The following TCF7L2 variants were observed in gnomAD, a reference collection of about 807,000 sequenced individuals.
TCF7L2 encodes the protein transcription factor 7-like 2.
In TCF7L2, 23 loss-of-function variants were observed where a neutral mutation model predicts 77.9. The ratio of observed to expected loss-of-function variants is 0.30; its 90% CI spans 0.21 to 0.42. The LOEUF (loss-of-function observed/expected upper bound fraction) is 0.42, where lower values mean the gene tolerates loss of function less well. Ranked by LOEUF, TCF7L2 falls within the 10% of genes least tolerant of loss-of-function variation. The pLI is 1.00. For missense variants in TCF7L2, 654 were observed against 793.1 expected (o/e 0.82, Z 2.11); for synonymous variants, 413 against 340.2 (o/e 1.21, Z -2.36).
At chr10:113,118,524 T>G (rs1317741891) in intron 5 of TCF7L2, among the ~76,000 whole-genome samples, 2 of 127,620 alleles carry the variant, frequency 1.6e-5, no homozygotes, top group African/African-American at 5.2e-5. Flanking sequence ...CTGGGGGGTG[T>G]GTGTGTGTGT....
intron 4 of TCF7L2, among the ~76,000 whole-genome samples, chr10:113,005,952 G>T (rs972192226): frequency 1.3e-5 from 2 of 152,042 alleles, no homozygotes; most frequent in African/African-American, 4.8e-5. Flanking sequence ...AACCAAAACT[G>T]GTCCAGGGGA....
rs2134192877 is a variant in TCF7L2, at chr10:112,951,293, C to T, written c.256+20C>T. On this transcript the variant is annotated intron_variant, in intron 2 of 13. Transcript: ENST00000627217. ...AAGAAGGTGAGTACGCCCCGCGCGC[C>T]CCGCAGCCGCCCGGAGCCGCCCCCC... 1 of 1,269,502 alleles carries T rather than the reference C, an allele frequency of 7.9e-7. No homozygotes were observed. The highest frequency in any genetic ancestry group is 1.0e-6 in the Non-Finnish European group (1 of 986,254). 78.6% of individuals were successfully genotyped at this position (1,269,502 alleles called of 1,614,324 possible).
chr10:112,961,267 C>CG lies in TCF7L2; in HGVS notation c.382-3289_382-3288insG, dbSNP rs1373650585. ...CGACCTCAGGTGACCCCCCCCCCCCCAACCTCGGCCTTCCAAAGCGCTGGG... is the reference window on the plus strand; with the variant it reads ...CGACCTCAGGTGACCCCCCCCCCCCCGAACCTCGGCCTTCCAAAGCGCTGGG... On this transcript the variant is annotated intron_variant, in intron 3 of 13. Coordinates refer to ENST00000627217, the MANE Select transcript of TCF7L2 (RefSeq NM_001146274.2). Among the ~76,000 whole-genome samples the CG allele has an allele frequency of 2.3e-5, 3 of 132,526 alleles. 1 individual carries two copies. Among genetic ancestry groups the CG allele is most frequent in the African/African-American group, 8.9e-5 (3 of 33,698 alleles). The allele number at this position is 132,526 out of a possible 152,430, so 86.9% of individuals were successfully genotyped here.
chr10:113,071,543 C>T (rs1415498972), intron 5 of TCF7L2, among the ~76,000 whole-genome samples: 3 of 152,142 alleles, frequency 2.0e-5, no homozygotes, highest in African/African-American at 7.2e-5. Flanking sequence ...CCCCCGCCAC[C>T]TCTCTCCCCA....
chr10:112,995,376 G>C (rs184635273), intron 4 of TCF7L2, among the ~76,000 whole-genome samples: 1 of 152,146 alleles, frequency 6.6e-6, no homozygotes, highest in African/African-American at 2.4e-5. Flanking sequence ...GCTGGAGTTC[G>C]TTGCTTGGTT....
Position 113,151,984 on chromosome 10 carries a change from A to C in TCF7L2, c.1161+100A>C, listed in dbSNP as rs747854368. 2.2e-5 allele frequency: 32 copies of C among 1,477,470 alleles called. No individual in the cohort carries two copies. The highest frequency in any genetic ancestry group is 2.8e-5 in the Non-Finnish European group (31 of 1,109,604). 91.5% of individuals were successfully genotyped at this position (1,477,470 alleles called of 1,614,324 possible). On this transcript the variant is annotated intron_variant, in intron 10 of 13. Coordinates refer to ENST00000627217, the MANE Select transcript of TCF7L2 (RefSeq NM_001146274.2). The surrounding 1 kb of genome is among the most constrained non-coding windows in gnomAD (Gnocchi z 5.2). ...AATGTCTCTGTCCCCATTTCTTTGG[A>C]GAATTCTTGCCCTTCAGCCACATTC...
Position 113,002,971 on chromosome 10 carries a change from C to T in TCF7L2, c.451-37054C>T, listed in dbSNP as rs569366643. On this transcript the variant is annotated intron_variant, in intron 4 of 13. Coordinates refer to ENST00000627217, the MANE Select transcript of TCF7L2 (RefSeq NM_001146274.2). ...GGTGTTCTGTGCATGGATATGTGTG[C>T]GTGTATGCACACAAAAATAAAAGGA... is the stretch of plus-strand genomic sequence containing the variant. 3.3e-5 allele frequency among the ~76,000 whole-genome samples: 5 copies of T among 151,984 alleles called. No individual in the cohort carries two copies. The South Asian group carries it at 1.0e-3, about 32-fold the overall frequency.
intron 5 of TCF7L2, among the ~76,000 whole-genome samples, chr10:113,118,655 TTTTTTTTTGTTTTTTTTTTTTTG>T (rs1189911459): frequency 5.9e-4 from 7 of 11,826 alleles, no homozygotes; most frequent in African/African-American, 4.9e-3. Context: ...TTTTTTTTTG[TTTTTTTTTGTTTTTTTTTTTTTG>T]TTTTTTTTAT....
At chr10:113,150,602 A>C (rs977966905) in intron 8 of TCF7L2, among the ~76,000 whole-genome samples, 1 of 152,188 alleles carries the variant, frequency 6.6e-6, no homozygotes, top group Non-Finnish European at 1.5e-5. Flanking sequence ...ACAACAAAAG[A>C]TTTCACCTTT....
intron 4 of TCF7L2, among the ~76,000 whole-genome samples, chr10:112,965,328 A>G (rs1220638184): frequency 6.6e-6 from 1 of 152,200 alleles, no homozygotes; most frequent in Non-Finnish European, 1.5e-5. Flanking sequence ...TCGGAGCTGA[A>G]CTGATGCCAG....
intron 4 of TCF7L2, among the ~76,000 whole-genome samples, chr10:112,991,783 C>G (rs1419938127): frequency 6.6e-6 from 1 of 152,126 alleles, no homozygotes; most frequent in Non-Finnish European, 1.5e-5. Flanking sequence ...GGGGAGGGAG[C>G]CTTGGAAGGA....
intron 5 of TCF7L2, among the ~76,000 whole-genome samples, chr10:113,130,286 G>A (rs1473033074): frequency 6.6e-6 from 1 of 152,164 alleles, no homozygotes; most frequent in Non-Finnish European, 1.5e-5. Flanking sequence ...CCAAAGTACG[G>A]GTGAGCTGGA....
rs1037024138 is a variant in TCF7L2, at chr10:113,144,264, C to G, written c.788+239C>G. Among the ~76,000 whole-genome samples the G allele has an allele frequency of 2.6e-5, 4 of 152,090 alleles. No individual in the cohort carries two copies. The South Asian group carries it at 8.3e-4, about 32-fold the overall frequency. On this transcript the variant is annotated intron_variant, in intron 7 of 13. Coordinates refer to ENST00000627217, the MANE Select transcript of TCF7L2 (RefSeq NM_001146274.2). ...ATTCAGGTGGCTTATGTTACTGGCA[C>G]TTAGCATTCCGCGACCATGGTCCCC... is the stretch of plus-strand genomic sequence containing the variant.
intron 4 of TCF7L2, among the ~76,000 whole-genome samples, chr10:113,006,746 A>G (rs2045618138): frequency 6.6e-6 from 1 of 152,216 alleles, no homozygotes; most frequent in African/African-American, 2.4e-5. Context: ...CCAAATGGAA[A>G]TGTGTTGGCA....
chr10:113,134,838 G>A (rs2067162872), intron 5 of TCF7L2, among the ~76,000 whole-genome samples: 1 of 152,210 alleles, frequency 6.6e-6, no homozygotes, highest in Non-Finnish European at 1.5e-5. Context: ...CCCACCCTGA[G>A]GAGGGGAAAA....
chr10:113,072,442 C>A (rs1449876040), intron 5 of TCF7L2, among the ~76,000 whole-genome samples: 1 of 152,104 alleles, frequency 6.6e-6, no homozygotes, highest in African/African-American at 2.4e-5. Flanking sequence ...GCAACTTGCG[C>A]CTCCCGGGTT....
chr10:113,082,027 A>G (rs1268147593), intron 5 of TCF7L2, among the ~76,000 whole-genome samples: 14 of 151,850 alleles, frequency 9.2e-5, no homozygotes, highest in Non-Finnish European at 1.5e-4. Context: ...TAGTAGACAC[A>G]GGGTTTCACC....
At chr10:113,053,451 A>G (rs1274597364) in intron 5 of TCF7L2, among the ~76,000 whole-genome samples, 1 of 152,216 alleles carries the variant, frequency 6.6e-6, no homozygotes, top group Non-Finnish European at 1.5e-5. Flanking sequence ...ACCAGAGGTC[A>G]GAACAGAAGC....
intron 4 of TCF7L2, among the ~76,000 whole-genome samples, chr10:112,996,700 G>A (rs117987174): frequency 0.01 from 1,596 of 152,312 alleles, 18 homozygotes; most frequent in Middle Eastern, 0.017. Flanking sequence ...CAATGTGTAG[G>A]TTTAGCTGTT....
Sources: allele counts gnomAD v4.1 joint callset (sites outside exome capture counted in the v4.1 genomes callset), GRCh38; gene constraint gnomAD v4.1.1; non-coding constraint Gnocchi (gnomAD v3.1); transcripts MANE v1.5; gene names NCBI Gene and HGNC (gene_info 2026-07-23, HGNC 2026-07-21).